SQSTM1: variants seen among roughly 807,000 people sequenced by gnomAD.
The protein encoded by SQSTM1 is sequestosome-1.
Under a neutral mutation model 45.1 loss-of-function variants are expected in SQSTM1, and 36 were observed. The ratio of observed to expected loss-of-function variants is 0.80; its 90% CI spans 0.61 to 1.05. The LOEUF (loss-of-function observed/expected upper bound fraction) is 1.05, where lower values mean the gene tolerates loss of function less well. Ranked by LOEUF, SQSTM1 falls within the 50% of genes least tolerant of loss-of-function variation. The pLI, the probability that SQSTM1 is intolerant of heterozygous loss-of-function variation, is 0.00. For missense variants in SQSTM1, 617 were observed against 607.1 expected (o/e 1.02, Z -0.17); for synonymous variants, 290 against 244.3 (o/e 1.19, Z -1.74).
intron 5 of SQSTM1, among the ~76,000 whole-genome samples, chr5:179,830,967 G>A (rs1758186943): frequency 6.6e-6 from 1 of 152,210 alleles, no homozygotes; most frequent in Non-Finnish European, 1.5e-5. Flanking sequence ...CTCCCAAAGT[G>A]TTAGGATTAC....
intron 7 of SQSTM1, chr5:179,835,058 C>T (rs568091041): frequency 2.0e-4 from 41 of 209,838 alleles, no homozygotes; most frequent in Admixed American, 1.0e-3. Flanking sequence ...ACGGGGCGGC[C>T]GGGCAGAGAC....
intron 5 of SQSTM1, among the ~76,000 whole-genome samples, chr5:179,827,669 C>T (rs1315898861): frequency 3.9e-5 from 6 of 152,238 alleles, no homozygotes; most frequent in African/African-American, 2.4e-5. Flanking sequence ...TGAAGCTCTA[C>T]AAACAAGGAA....
chr5:179,818,456 C>T (rs555501873), upstream of SQSTM1, among the ~76,000 whole-genome samples: 2 of 152,282 alleles, frequency 1.3e-5, no homozygotes, highest in Admixed American at 1.3e-4. Flanking sequence ...AGAAAAGAAG[C>T]GAACCTGGGA....
chr5:179,834,350 T>C (rs1758404869), intron 7 of SQSTM1, among the ~76,000 whole-genome samples: 1 of 152,102 alleles, frequency 6.6e-6, no homozygotes, highest in Non-Finnish European at 1.5e-5. Flanking sequence ...GTGTGTCTTC[T>C]CTGCCTTAGG....
rs191077618 is a variant in SQSTM1 at position 179,828,531 on chromosome 5, C to T, written c.754+3305C>T. 4.3e-3 allele frequency among the ~76,000 whole-genome samples: 649 copies of T among 152,054 alleles called. 3 individuals are homozygous for T. The highest frequency in any genetic ancestry group is 7.0e-3 in the Non-Finnish European group (474 of 67,950). ...CTGGGATTACAGGCATGCACCATCACGCCTGGCTAATTTTGTATTTTTAGT... is the reference window on the plus strand; with the variant it reads ...CTGGGATTACAGGCATGCACCATCATGCCTGGCTAATTTTGTATTTTTAGT... On this transcript the variant is annotated intron_variant, in intron 5 of 7. Coordinates refer to ENST00000389805, the MANE Select transcript of SQSTM1 (RefSeq NM_003900.5).
intron 5 of SQSTM1, among the ~76,000 whole-genome samples, chr5:179,832,751 C>A (rs569574784): frequency 1.2e-4 from 18 of 152,290 alleles, no homozygotes; most frequent in African/African-American, 4.3e-4. Context: ...AAGAATGTTT[C>A]CAGAAGCCAC....
At chr5:179,824,130 G>T (rs1179686020) in intron 3 of SQSTM1, 43 bp downstream of exon 3, 1 of 1,613,604 alleles carries the variant, frequency 6.2e-7, no homozygotes. Flanking sequence ...GCTCAGGGTG[G>T]CAGGAACCTT....
upstream of SQSTM1, among the ~76,000 whole-genome samples, chr5:179,815,996 C>T (rs543486582): frequency 1.7e-4 from 26 of 152,124 alleles, no homozygotes; most frequent in Admixed American, 8.5e-4. Context: ...AGCTGAGTCT[C>T]GTCGGGAGGC....
chr5:179,834,239 G>GC (rs1410558609), intron 7 of SQSTM1, among the ~76,000 whole-genome samples: 3 of 104,096 alleles, frequency 2.9e-5, no homozygotes, highest in African/African-American at 1.2e-4. Flanking sequence ...GCAGCAGTGG[G>GC]GGGGTGGGGG....
At chr5:179,808,614 G>T (rs951765948) in intron 1 of SQSTM1, among the ~76,000 whole-genome samples, 1 of 151,118 alleles carries the variant, frequency 6.6e-6, no homozygotes, top group Non-Finnish European at 1.5e-5. Context: ...TCAGGAGATC[G>T]AGACCATCCT....
At position 179,833,726 on chromosome 5, in the gene SQSTM1, C is replaced by G; in HGVS notation, c.1109C>G (p.Ser370Cys). The G allele has an allele frequency of 6.2e-7, 1 of 1,614,182 alleles. No individual in the cohort carries two copies. Among genetic ancestry groups the G allele is most frequent in the Non-Finnish European group, 8.5e-7 (1 of 1,180,028 alleles). Residue 370 changes from serine (S) to cysteine (C), a missense_variant, in exon 7 of 8, where the codon TCC becomes TGC. By Grantham distance (112) the Ser-to-Cys change is moderately radical (BLOSUM62 -1). Coordinates refer to ENST00000389805, the MANE Select transcript of SQSTM1 (RefSeq NM_003900.5). ...GAAGGGCCAAGCTCTCTGGACCCCT[C>G]CCAGGAGGGACCCACAGGGCTGAAG... The part of the protein sequence containing the change: ...ESEGPSSLDP[S>C]QEGPTGLKEA...
chr5:179,821,596 C>T (rs1377699489), intron 1 of SQSTM1: 2 of 446,472 alleles, frequency 4.5e-6, no homozygotes, highest in African/African-American at 2.1e-5. Flanking sequence ...CGAGCGCCGG[C>T]GAGGGGAGGG....
At chr5:179,821,775 C>T in intron 1 of SQSTM1, 3 of 315,838 alleles carry the variant, frequency 9.5e-6, no homozygotes, top group Non-Finnish European at 1.9e-5. Flanking sequence ...GGTGTTGGCA[C>T]AGAAGCCCTG....
intron 4 of SQSTM1, 136 bp from the exon 5 acceptor site, chr5:179,825,009 CT>C: frequency 1.3e-6 from 1 of 788,714 alleles, no homozygotes; most frequent in Non-Finnish European, 2.2e-6. Context: ...GAGGGGGATG[CT>C]GAGTGGGTCA....
intron 5 of SQSTM1, among the ~76,000 whole-genome samples, chr5:179,827,223 C>T (rs1236121797): frequency 1.3e-5 from 2 of 152,120 alleles, no homozygotes; most frequent in East Asian, 3.9e-4. Flanking sequence ...GTCTCAAGAC[C>T]CACCTGTGCT....
chr5:179,823,771 T>C, intron 2 of SQSTM1, 87 bp from the exon 3 acceptor site: 2 of 1,456,320 alleles, frequency 1.4e-6, no homozygotes, highest in East Asian at 2.3e-5. Context: ...CCGGGGGCCT[T>C]GCTGGCAGTG....
chr5:179,814,793 C>T (rs1032553844), upstream of SQSTM1, among the ~76,000 whole-genome samples: 3 of 152,124 alleles, frequency 2.0e-5, no homozygotes, highest in Non-Finnish European at 4.4e-5. Flanking sequence ...AGGTGGCTCA[C>T]GCCTCTAATC....
chr5:179,808,977 C>A (rs1757306645), intron 1 of SQSTM1, among the ~76,000 whole-genome samples: 1 of 151,148 alleles, frequency 6.6e-6, no homozygotes, highest in South Asian at 2.1e-4. Context: ...CCTGCCTCAG[C>A]CTCCCGAGTA....
At position 179,833,673 on chromosome 5, in the gene SQSTM1, A is replaced by C; in HGVS notation, c.1056A>C (p.Glu352Asp). 6.2e-7 allele frequency: 1 copy of C among 1,613,694 alleles called. No homozygotes were observed. Among genetic ancestry groups the C allele is most frequent in the Non-Finnish European group, 8.5e-7 (1 of 1,179,904 alleles). Residue 352 changes from glutamate to aspartate, a missense_variant, in exon 7 of 8, where the codon GAA becomes GAC. By Grantham distance (45) the Glu-to-Asp change is conservative. Transcript: ENST00000389805. ...SSKEVDPSTG[E>D]LQSLQMPESE... Reference sequence around the variant, plus strand: ...AAGAAGTGGACCCGTCTACAGGTGAACTCCAGTCCCTACAGATGCCAGAAT... The same window carrying C: ...AAGAAGTGGACCCGTCTACAGGTGACCTCCAGTCCCTACAGATGCCAGAAT...
Sources: gnomAD v4.1 joint callset for allele counts (sites outside exome capture counted in the v4.1 genomes callset) on GRCh38, gnomAD v4.1.1 for gene constraint, MANE v1.5 for transcripts, NCBI Gene and HGNC (gene_info 2026-07-23, HGNC 2026-07-21) for gene names.